The following ACYP2 variants were observed in gnomAD, a reference collection of about 807,000 sequenced individuals.
ACYP2 encodes the protein acylphosphatase 2.
A neutral mutation model predicts 11.2 loss-of-function variants in ACYP2; 12 were observed. The ratio of observed to expected loss-of-function variants is 1.08; its 90% confidence interval spans 0.69 to 1.74. ACYP2 has a LOEUF of 1.74. Ranked by LOEUF, ACYP2 falls within the 40% of genes most tolerant of loss-of-function variation. The pLI is 0.00. For missense variants in ACYP2, 134 were observed against 101.9 expected (o/e 1.31, Z -1.35); for synonymous variants, 43 against 32.2 (o/e 1.33, Z -1.13).
intron 4 of ACYP2, among the ~76,000 whole-genome samples, chr2:54,105,199 C>G (rs1021768668): frequency 1.3e-5 from 2 of 152,182 alleles, no homozygotes; most frequent in African/African-American, 4.8e-5. Context: ...ACCGTGGCTT[C>G]CACAGCCTGG....
intron 2 of ACYP2, among the ~76,000 whole-genome samples, chr2:53,996,794 C>G (rs1247226882): frequency 6.6e-6 from 1 of 152,246 alleles, no homozygotes; most frequent in African/African-American, 2.4e-5. Flanking sequence ...GTACAGAGCA[C>G]AGACTGTTGC....
intron 6 of ACYP2, among the ~76,000 whole-genome samples, chr2:54,274,012 G>T (rs1480169923): frequency 6.6e-6 from 1 of 152,192 alleles, no homozygotes; most frequent in Non-Finnish European, 1.5e-5. Context: ...GGGCAAGATG[G>T]CTTATGCCTG....
intron 4 of ACYP2, among the ~76,000 whole-genome samples, chr2:54,097,806 C>G (rs1572746821): frequency 2.0e-5 from 3 of 151,828 alleles, no homozygotes; most frequent in Admixed American, 1.3e-4. Flanking sequence ...ACTCTAACCA[C>G]CATGCTATTA....
chr2:54,162,524 T>G (rs1204490631), intron 6 of ACYP2, among the ~76,000 whole-genome samples: 1 of 152,140 alleles, frequency 6.6e-6, no homozygotes. Flanking sequence ...GGATATCACC[T>G]GGAAGTTTGT....
intron 4 of ACYP2, among the ~76,000 whole-genome samples, chr2:54,107,875 C>A (rs2103712760): frequency 6.6e-6 from 1 of 152,292 alleles, no homozygotes; most frequent in South Asian, 2.1e-4. Context: ...ATCTACTGAT[C>A]CTGCAATAGG....
chr2:54,125,283 A>G (rs772191085), intron 4 of ACYP2, among the ~76,000 whole-genome samples: 10 of 152,142 alleles, frequency 6.6e-5, no homozygotes. Context: ...TGTATATACT[A>G]TGTGTGTTTG....
intron 6 of ACYP2, among the ~76,000 whole-genome samples, chr2:54,299,401 G>C (rs1689636978): frequency 6.6e-6 from 1 of 151,842 alleles, no homozygotes. Flanking sequence ...AGAGCGGCCT[G>C]ACCAACACAG....
chr2:54,038,288 C>T (rs566199418), intron 2 of ACYP2, among the ~76,000 whole-genome samples: 51 of 152,282 alleles, frequency 3.3e-4, no homozygotes, highest in African/African-American at 1.2e-3. Flanking sequence ...TCTGTGAAGG[C>T]TTCTTTCACC....
chr2:54,302,469 C>T (rs1689762621), intron 6 of ACYP2, among the ~76,000 whole-genome samples: 1 of 152,170 alleles, frequency 6.6e-6, no homozygotes, highest in Admixed American at 6.5e-5. Flanking sequence ...CCTCTGCTTC[C>T]TGAGCACTTC....
chr2:54,207,119 G>GTA (rs747972404), intron 6 of ACYP2, among the ~76,000 whole-genome samples: 1 of 145,512 alleles, frequency 6.9e-6, no homozygotes, highest in Non-Finnish European at 1.5e-5. Context: ...AGATATATAG[G>GTA]TATATATATG....
intron 6 of ACYP2, chr2:54,141,776 T>A (rs1681616021): frequency 2.2e-6 from 1 of 465,036 alleles, no homozygotes. Flanking sequence ...AATTCTATTC[T>A]GTTTATTAAA....
At chr2:54,023,240 A>G (rs1349243784) in intron 2 of ACYP2, among the ~76,000 whole-genome samples, 1 of 152,132 alleles carries the variant, frequency 6.6e-6, no homozygotes, top group African/African-American at 2.4e-5. Flanking sequence ...GTGACCATAT[A>G]TTTTATTATT....
intron 4 of ACYP2, among the ~76,000 whole-genome samples, chr2:54,064,485 G>C (rs1676635441): frequency 6.6e-6 from 1 of 152,030 alleles, no homozygotes; most frequent in Admixed American, 6.6e-5. Flanking sequence ...TTTCTTTCTT[G>C]TCTGAATGGG....
chr2:53,989,219 A>C (rs1346017050), intron 2 of ACYP2, among the ~76,000 whole-genome samples: 1 of 152,026 alleles, frequency 6.6e-6, no homozygotes, highest in Non-Finnish European at 1.5e-5. Context: ...ACTGTGAGCC[A>C]ATACTTAAAT....
rs1168917459 is a variant in ACYP2, at chr2:54,195,794, G to GTTTT, written c.404+57064_404+57067dup. ...GTACATTGTCATCGTTTTGTTGTGGGTTTTTTTTTTTTTTTTTTTTTGAGA... is the reference window on the plus strand; with the variant it reads ...GTACATTGTCATCGTTTTGTTGTGGGTTTTTTTTTTTTTTTTTTTTTTTTTGAGA... On this transcript the variant is annotated intron_variant, in intron 6 of 6. Coordinates refer to ENST00000607452, the MANE Select transcript of ACYP2 (RefSeq NM_001320586.2). Among the ~76,000 whole-genome samples the GTTTT allele has an allele frequency of 2.2e-3, 184 of 83,126 alleles. 8 individuals carry two copies. The highest frequency in any genetic ancestry group is 9.4e-3 in the East Asian group (22 of 2,334). 54.5% of individuals were successfully genotyped at this position (83,126 alleles called of 152,430 possible). A position where few individuals can be genotyped will look rare whatever the true frequency, so the allele number is the denominator to read the frequency against.
At chr2:54,095,530 C>G (rs1392211701) in intron 4 of ACYP2, among the ~76,000 whole-genome samples, 2 of 150,146 alleles carry the variant, frequency 1.3e-5, no homozygotes, top group Non-Finnish European at 3.0e-5. Context: ...CCCCCACCTC[C>G]CTCCCGGACG....
chr2:54,271,655 C>T (rs1156801269), intron 6 of ACYP2, among the ~76,000 whole-genome samples: 1 of 152,000 alleles, frequency 6.6e-6, no homozygotes, highest in East Asian at 1.9e-4. Context: ...AGTCCTTCTG[C>T]TTGGCAGCCT....
Position 54,047,177 on chromosome 2 carries a change from C to T in ACYP2, c.63-3781C>T, listed in dbSNP as rs535488603. Among the ~76,000 whole-genome samples, 8 of 152,310 alleles carry T rather than the reference C, an allele frequency of 5.3e-5. No individual in the cohort carries two copies. In the East Asian group the frequency reaches 7.7e-4, roughly 15 times the overall value. On this transcript the variant is annotated intron_variant, in intron 2 of 6. Coordinates refer to ENST00000607452, the MANE Select transcript of ACYP2 (RefSeq NM_001320586.2). The stretch of plus-strand genomic sequence containing the variant: ...TTCTGCTCTGGATGTATATAATTGA[C>T]GTCACCATCTTGTGGCAAGACAGGC...
chr2:54,154,258 C>T (rs551447080), intron 6 of ACYP2, among the ~76,000 whole-genome samples: 1 of 152,202 alleles, frequency 6.6e-6, no homozygotes, highest in African/African-American at 2.4e-5. Flanking sequence ...TTTTTCCTTT[C>T]CTATTTGAAT....
Sources: allele counts gnomAD v4.1 joint callset (sites outside exome capture counted in the v4.1 genomes callset), GRCh38; gene constraint gnomAD v4.1.1; transcripts MANE v1.5; gene names NCBI Gene and HGNC (gene_info 2026-07-23, HGNC 2026-07-21).